Variants in PCDHGA7 observed in about 807,000 individuals in gnomAD.
The protein encoded by PCDHGA7 is protocadherin gamma subfamily A, 7.
PCDHGA7 carries 44 observed loss-of-function variants against 58.3 expected under a neutral mutation model. The ratio of observed to expected loss-of-function variants is 0.75; its 90% CI spans 0.59 to 0.97. PCDHGA7 has a LOEUF of 0.97. Among genes scored for constraint, PCDHGA7 ranks in the 50% least tolerant of loss-of-function variants. The probability of loss-of-function intolerance (pLI) is 0.00; values close to 1 mark genes in which losing one functional copy is unlikely to be tolerated. For missense variants in PCDHGA7, 1,266 were observed against 1,188.7 expected, an observed-to-expected ratio of 1.06 and a Z score of -0.96; for synonymous variants, 516 against 504.2, an observed-to-expected ratio of 1.02 and a Z score of -0.31.
chr5:141,444,281 C>T (rs1256106299), intron 1 of PCDHGA7, among the ~76,000 whole-genome samples: 1 of 146,976 alleles, frequency 6.8e-6, no homozygotes, highest in African/African-American at 2.5e-5. Context: ...AAGTGATTCT[C>T]CTGCCTCAGC....
rs1340974686 is a variant in PCDHGA7, at chr5:141,477,604, C to T, written c.2425-17203C>T. The T allele has an allele frequency of 6.2e-7, 1 of 1,614,084 alleles. No individual in the cohort carries two copies. Among genetic ancestry groups the T allele is most frequent in the Non-Finnish European group, 8.5e-7 (1 of 1,180,054 alleles). ...AGAATGCTCGGCTTTCTTTCTTTCT[C>T]TTGGAGCAAGGAGCTGAAACCGGGC... On this transcript the variant is annotated intron_variant, in intron 1 of 3. Coordinates refer to ENST00000518325, the MANE Select transcript of PCDHGA7 (RefSeq NM_018920.4). The surrounding 1 kb of genome is among the most constrained non-coding windows in gnomAD (Gnocchi z 4.9).
At chr5:141,437,459 C>T (rs749625924) in intron 1 of PCDHGA7, among the ~76,000 whole-genome samples, 1 of 152,140 alleles carries the variant, frequency 6.6e-6, no homozygotes, top group Admixed American at 6.5e-5. Context: ...GGAGACTATA[C>T]TATACTTTTA....
At chr5:141,482,530 CAAAAAAAAA>C (rs3074545) in intron 1 of PCDHGA7, among the ~76,000 whole-genome samples, 16 of 76,560 alleles carry the variant, frequency 2.1e-4, no homozygotes, top group African/African-American at 7.7e-4. Context: ...GACAGACATG[CAAAAAAAAA>C]AAAAAAAAAA....
intron 1 of PCDHGA7, chr5:141,420,156 AT>A (rs755916873): frequency 6.2e-7 from 1 of 1,613,990 alleles, no homozygotes; most frequent in African/African-American, 1.3e-5. Flanking sequence ...CCAGAATTTA[AT>A]TTTTTCACAT....
Position 141,491,162 on chromosome 5 carries a change from C to T in PCDHGA7, c.2425-3645C>T. 6.2e-7 allele frequency: 1 copy of T among 1,614,112 alleles called. No homozygotes were observed. Among genetic ancestry groups the T allele is most frequent in the Non-Finnish European group, 8.5e-7 (1 of 1,179,952 alleles). On this transcript the variant is annotated intron_variant, in intron 1 of 3. Coordinates refer to ENST00000518325, the MANE Select transcript of PCDHGA7 (RefSeq NM_018920.4). This position sits in a 1 kb window ranked among gnomAD's most constrained non-coding sequence, Gnocchi z 6.9. ...GCCTTACTGGAGGATGACTCTGACA[C>T]CCAGCAGGTGGTGGTCCTGGTGAGG...
chr5:141,410,009 T>G, intron 1 of PCDHGA7: 1 of 1,613,318 alleles, frequency 6.2e-7, no homozygotes, highest in Non-Finnish European at 8.5e-7. Context: ...ACACAACGCC[T>G]GGCTGTCCTA....
intron 2 of PCDHGA7, among the ~76,000 whole-genome samples, chr5:141,501,159 C>G (rs1475164887): frequency 6.6e-6 from 1 of 152,096 alleles, no homozygotes; most frequent in East Asian, 1.9e-4. Context: ...GAGCCACCAT[C>G]CCCAGCCTCA....
At chr5:141,465,922 T>A (rs7704812) in intron 1 of PCDHGA7, among the ~76,000 whole-genome samples, 42,795 of 151,826 alleles carry the variant, frequency 0.28, 6,697 homozygotes, top group African/African-American at 0.42. Flanking sequence ...GGATTTCGAG[T>A]CCATCCTGGC....
chr5:141,438,368 G>A (rs1216571092), intron 1 of PCDHGA7, among the ~76,000 whole-genome samples: 2 of 151,558 alleles, frequency 1.3e-5, no homozygotes, highest in African/African-American at 4.8e-5. Context: ...GTCATTGAGG[G>A]CAGATATAAT....
At position 141,388,702 on chromosome 5, in the gene PCDHGA7, T is replaced by G. The variant is rs201901866; in HGVS notation, c.2424+3379T>G. 3.2e-3 allele frequency: 5,096 copies of G among 1,613,936 alleles called. 17 individuals are homozygous for G. The highest frequency in any genetic ancestry group is 8.9e-3 in the Middle Eastern group (54 of 6,062). On this transcript the variant is annotated intron_variant, in intron 1 of 3. Coordinates refer to ENST00000518325, the MANE Select transcript of PCDHGA7 (RefSeq NM_018920.4). ...ACTGCCACGGACCAGGATGAGGGTG[T>G]CAATGCCGAGATTACTTTCTCTTTC...
chr5:141,474,908 T>C (rs1016814167), intron 1 of PCDHGA7, among the ~76,000 whole-genome samples: 7 of 152,242 alleles, frequency 4.6e-5, no homozygotes, highest in African/African-American at 1.4e-4. Flanking sequence ...TGTTCAAGGA[T>C]ATACATCTCA....
chr5:141,511,728 A>C lies in PCDHGA7; in HGVS notation c.*555A>C, dbSNP rs904031366. 2.2e-5 allele frequency: 4 copies of C among 177,940 alleles called. No homozygotes were observed. The highest frequency in any genetic ancestry group is 7.0e-5 in the African/African-American group (3 of 42,626). 11.0% of individuals were successfully genotyped at this position (177,940 alleles called of 1,614,324 possible). ...TCACCTCCTTCCAGAGCCCAAGATC[A>C]ATGCTCAAGTTTTGGAGGACATGAT... On this transcript the variant is annotated 3_prime_UTR_variant, in exon 4 of 4. Coordinates refer to ENST00000518325, the MANE Select transcript of PCDHGA7 (RefSeq NM_018920.4).
At chr5:141,470,016 C>G (rs116065751) in intron 1 of PCDHGA7, among the ~76,000 whole-genome samples, 1 of 152,146 alleles carries the variant, frequency 6.6e-6, no homozygotes, top group Non-Finnish European at 1.5e-5. Context: ...GTAATCCCAG[C>G]TACTCGGGAT....
At chr5:141,478,505 T>C (rs1298083274) in intron 1 of PCDHGA7, 3 of 1,612,032 alleles carry the variant, frequency 1.9e-6, no homozygotes, top group Non-Finnish European at 2.5e-6. Context: ...TCCGGTGTTC[T>C]ATAGGCAGGT....
intron 1 of PCDHGA7, chr5:141,430,885 C>T (rs771554381): frequency 5.6e-6 from 9 of 1,605,218 alleles, no homozygotes; most frequent in South Asian, 1.1e-5. Flanking sequence ...TGGAGAAAGG[C>T]TCTAGGGTGG....
In PCDHGA7 at chr5:141,406,998, A is replaced by G. The variant is rs138992041; in HGVS notation, c.2424+21675A>G. ...AACATTTCACAAGACATTTGAAAAT[A>G]AGCTTTGAAGTTGACTCAAAATTCT... On this transcript the variant is annotated intron_variant, in intron 1 of 3. Transcript: ENST00000518325. 7.5e-3 allele frequency among the ~76,000 whole-genome samples: 1,140 copies of G among 152,352 alleles called. 5 individuals carry two copies. The highest frequency in any genetic ancestry group is 0.012 in the Non-Finnish European group (837 of 68,024).
intron 1 of PCDHGA7, chr5:141,413,182 G>A (rs752788034): frequency 6.2e-7 from 1 of 1,604,164 alleles, no homozygotes; most frequent in Non-Finnish European, 8.5e-7. Context: ...TACAATGGCC[G>A]CTCAAAGGAA....
intron 1 of PCDHGA7, chr5:141,412,431 G>GTTAA (rs1478574285): frequency 6.6e-6 from 1 of 152,132 alleles, no homozygotes; most frequent in African/African-American, 2.4e-5. Context: ...ACACAAAAAG[G>GTTAA]TTAATTAAGG....
rs774366625 is a variant in PCDHGA7, at chr5:141,384,613, T to A, written c.1714T>A (p.Ser572Thr). The change falls in exon 1 of 4, where the codon TCT (serine) becomes ACT (threonine). Residue 572 changes from serine to threonine, a missense_variant. Coordinates refer to ENST00000518325, the MANE Select transcript of PCDHGA7 (RefSeq NM_018920.4). ...GTACCCGGCCCTCCCCACAGATGGTTCTACTGGCATGGAGCTGGCACCCCG... is the reference window on the plus strand; with the variant it reads ...GTACCCGGCCCTCCCCACAGATGGTACTACTGGCATGGAGCTGGCACCCCG... ...ILYPALPTDGSTGMELAPRSA... is the reference protein window; with the variant it reads ...ILYPALPTDGTTGMELAPRSA... The A allele has an allele frequency of 9.9e-6, 16 of 1,614,202 alleles. No homozygotes were observed. The Admixed American group carries it at 2.7e-4, about 27-fold the overall frequency.
Sources: allele counts gnomAD v4.1 joint callset (sites outside exome capture counted in the v4.1 genomes callset), GRCh38; gene constraint gnomAD v4.1.1; non-coding constraint Gnocchi (gnomAD v3.1); transcripts MANE v1.5; gene names NCBI Gene and HGNC (gene_info 2026-07-23, HGNC 2026-07-21).